The following DAGLA variants were observed in gnomAD, a reference collection of about 807,000 sequenced individuals.
DAGLA encodes diacylglycerol lipase alpha.
DAGLA carries 22 observed loss-of-function variants against 102.6 expected under a neutral mutation model. The ratio of observed to expected loss-of-function variants is 0.21; its 90% CI spans 0.15 to 0.31. The LOEUF is 0.31. Among genes scored for constraint, DAGLA ranks in the 10% least tolerant of loss-of-function variants. The pLI is 1.00. For synonymous variants in DAGLA, 578 were observed against 628.9 expected, an observed-to-expected ratio of 0.92 and a Z score of 1.21; for missense variants, 927 against 1,446.6, an observed-to-expected ratio of 0.64 and a Z score of 5.83.
At chr11:61,721,476 G>C (rs750910599) in intron 3 of DAGLA, among the ~76,000 whole-genome samples, 2 of 152,232 alleles carry the variant, frequency 1.3e-5, no homozygotes, top group Admixed American at 1.3e-4. Context: ...TACAGCAGCC[G>C]AGTTGAGTAG....
chr11:61,739,746 C>CCGCT (rs2065460782), intron 17 of DAGLA, 85 bp downstream of exon 17: 3 of 1,372,560 alleles, frequency 2.2e-6, no homozygotes, highest in Non-Finnish European at 3.0e-6. Flanking sequence ...GGCTCAATCA[C>CCGCT]CGCTCGGGGC....
chr11:61,696,795 G>A (rs2065070329), intron 1 of DAGLA, among the ~76,000 whole-genome samples: 1 of 152,178 alleles, frequency 6.6e-6, no homozygotes, highest in East Asian at 1.9e-4. Context: ...TGGAGGTGTT[G>A]CAATTACCGT....
At chr11:61,715,856 G>C (rs950561756) in intron 1 of DAGLA, among the ~76,000 whole-genome samples, 1 of 152,224 alleles carries the variant, frequency 6.6e-6, no homozygotes, top group East Asian at 1.9e-4. Flanking sequence ...ACCCCAGTCT[G>C]TTCTGACCAC....
At chr11:61,738,011 C>A in intron 15 of DAGLA, 124 bp from the exon 16 acceptor site, 1 of 785,790 alleles carries the variant, frequency 1.3e-6, no homozygotes. Context: ...CACCCCGTGA[C>A]CCTGGCTGAC....
At chr11:61,680,916 T>C (rs1201252835) in intron 1 of DAGLA, among the ~76,000 whole-genome samples, 1 of 152,070 alleles carries the variant, frequency 6.6e-6, no homozygotes, top group Non-Finnish European at 1.5e-5. Context: ...AGCATGGGTG[T>C]GAGGAAGTGC....
intron 18 of DAGLA, 112 bp from the exon 19 acceptor site, chr11:61,741,048 TGA>T: frequency 9.9e-7 from 1 of 1,005,400 alleles, no homozygotes; most frequent in Non-Finnish European, 1.4e-6. Context: ...GGGACCCAAG[TGA>T]CTCCATGAGG....
intron 1 of DAGLA, among the ~76,000 whole-genome samples, chr11:61,713,035 A>C (rs941428215): frequency 1.3e-5 from 2 of 152,132 alleles, no homozygotes; most frequent in Non-Finnish European, 2.9e-5. Context: ...CTGGAGGTGG[A>C]TGACACATAG....
At chr11:61,736,183 C>T (rs2065421741) in intron 12 of DAGLA, 87 bp from the exon 13 acceptor site, 1 of 1,126,174 alleles carries the variant, frequency 8.9e-7, no homozygotes. Context: ...ATGGATGGGG[C>T]AGGGTTCCTG....
chr11:61,743,635 C>G lies in DAGLA; in HGVS notation c.2275C>G (p.Leu759Val). The G allele has an allele frequency of 6.3e-7, 1 of 1,597,570 alleles. No individual in the cohort carries two copies. Among genetic ancestry groups the G allele is most frequent in the Non-Finnish European group, 8.5e-7 (1 of 1,175,820 alleles). The stretch of plus-strand genomic sequence containing the variant: ...CCGCCAGGACCCGGTGGAGCTGCTG[C>G]TGCTGTCTACCCAGGAGCGGCTGGC... The part of the protein sequence containing the change: ...AARQDPVELL[L>V]LSTQERLAAE... Residue 759 changes from leucine to valine, a missense_variant, in exon 20 of 20, where the codon CTG (leucine) becomes GTG (valine). Physicochemically the swap from Leu to Val is conservative, Grantham distance 32. This residue lies in a region of DAGLA where 434 missense variants were observed against 503.3 expected (regional missense o/e 0.86). Transcript: ENST00000257215.
At chr11:61,733,797 G>A (rs894245901) in intron 9 of DAGLA, among the ~76,000 whole-genome samples, 3 of 152,228 alleles carry the variant, frequency 2.0e-5, no homozygotes, top group Non-Finnish European at 2.9e-5. Flanking sequence ...AGGGCACATG[G>A]TGGAGCGGAT....
At chr11:61,708,529 C>T (rs1373323516) in intron 1 of DAGLA, among the ~76,000 whole-genome samples, 2 of 151,958 alleles carry the variant, frequency 1.3e-5, no homozygotes, top group Non-Finnish European at 2.9e-5. Flanking sequence ...TACAGGCTCC[C>T]GCCATCATGC....
At chr11:61,733,645 C>T (rs1260238565) in intron 9 of DAGLA, among the ~76,000 whole-genome samples, 1 of 152,196 alleles carries the variant, frequency 6.6e-6, no homozygotes, top group Non-Finnish European at 1.5e-5. Context: ...GCTGGGTGCC[C>T]AGCTCCCAGG....
intron 1 of DAGLA, among the ~76,000 whole-genome samples, chr11:61,691,831 A>T (rs963935510): frequency 6.6e-6 from 1 of 152,194 alleles, no homozygotes; most frequent in Non-Finnish European, 1.5e-5. Flanking sequence ...GTCCTTAACC[A>T]GGTCCTTTCA....
Position 61,744,120 on chromosome 11 carries a change from C to T in DAGLA, c.2760C>T (p.Leu920=), listed in dbSNP as rs1591057858. 12 of 1,613,052 alleles carry T rather than the reference C, an allele frequency of 7.4e-6. No individual in the cohort carries two copies. The highest frequency in any genetic ancestry group is 9.3e-6 in the Non-Finnish European group (11 of 1,179,988). Residue 920 remains leucine (L), a synonymous_variant, in exon 20 of 20, where the codon CTC becomes CTT. Transcript: ENST00000257215. ...VLEFAEFIDS[L]FNLDSKSSSF... The stretch of plus-strand genomic sequence containing the variant: ...AATTCGCCGAGTTCATCGACAGCCT[C>T]TTCAACCTGGACAGCAAGAGCAGCT...
chr11:61,723,600 C>G, intron 5 of DAGLA, 28 bp downstream of exon 5: 1 of 1,605,020 alleles, frequency 6.2e-7, no homozygotes, highest in Non-Finnish European at 8.5e-7. Context: ...GTGGGCAGTC[C>G]CAGGGTGGGC....
chr11:61,705,654 G>A (rs530785489), intron 1 of DAGLA, among the ~76,000 whole-genome samples: 3 of 152,328 alleles, frequency 2.0e-5, no homozygotes, highest in Non-Finnish European at 4.4e-5. Context: ...CTTCTGGTCT[G>A]CAGGCTCCAT....
At chr11:61,740,356 C>A in intron 17 of DAGLA, 107 bp from the exon 18 acceptor site, 5 of 1,445,284 alleles carry the variant, frequency 3.5e-6, no homozygotes, top group Non-Finnish European at 4.7e-6. Flanking sequence ...GCCTCCAAAC[C>A]ATGCCAGCTC....
intron 1 of DAGLA, among the ~76,000 whole-genome samples, chr11:61,681,107 C>A (rs1296418983): frequency 6.6e-6 from 1 of 152,106 alleles, no homozygotes; most frequent in Non-Finnish European, 1.5e-5. Context: ...GGGGGGAGTC[C>A]GTGGCCCTCC....
In DAGLA at chr11:61,744,327, G is replaced by T; in HGVS notation, c.2967G>T (p.Ser989=). 1 of 1,612,460 alleles carries T rather than the reference G, an allele frequency of 6.2e-7. No homozygotes were observed. Among genetic ancestry groups the T allele is most frequent in the East Asian group, 2.2e-5 (1 of 44,844 alleles). ...SADPSSGISL[S]PSFPLSSSGE... ...ACCCCTCCTCGGGCATCTCACTCTCGCCCTCCTTCCCGCTCAGCTCCTCGG... is the reference window on the plus strand; with the variant it reads ...ACCCCTCCTCGGGCATCTCACTCTCTCCCTCCTTCCCGCTCAGCTCCTCGG... Residue 989 remains serine (S), a synonymous_variant, in exon 20 of 20, where the codon TCG becomes TCT. Coordinates refer to ENST00000257215, the MANE Select transcript of DAGLA (RefSeq NM_006133.3).
Sources: gnomAD v4.1 joint callset for allele counts (sites outside exome capture counted in the v4.1 genomes callset) on GRCh38, gnomAD v4.1.1 for gene constraint, gnomAD v4.1.1 regional missense constraint, MANE v1.5 for transcripts, NCBI Gene and HGNC (gene_info 2026-07-23, HGNC 2026-07-21) for gene names.